Variants in PRLR observed in about 807,000 individuals in gnomAD.
The protein encoded by PRLR is hPRL receptor.
Under a neutral mutation model 40.2 loss-of-function variants are expected in PRLR, and 13 were observed. That is an observed-to-expected ratio of 0.32 (90% confidence interval 0.21 to 0.51). PRLR has a LOEUF of 0.51. Ranked by LOEUF, PRLR falls within the 20% of genes least tolerant of loss-of-function variation. PRLR has a pLI of 0.97. For missense variants in PRLR, 656 were observed against 747.3 expected (o/e 0.88, Z 1.42); for synonymous variants, 269 against 278.7 (o/e 0.97, Z 0.35).
At chr5:35,212,559 T>A (rs1289491888) in intron 1 of PRLR, among the ~76,000 whole-genome samples, 1 of 152,162 alleles carries the variant, frequency 6.6e-6, no homozygotes, top group Non-Finnish European at 1.5e-5. Flanking sequence ...GGACTTCCCT[T>A]TTTTCCCCCC....
At chr5:35,086,062 T>G (rs1440726699) in intron 4 of PRLR, 146 bp downstream of exon 4, 2 of 926,970 alleles carry the variant, frequency 2.2e-6, no homozygotes, top group Middle Eastern at 2.5e-4. Flanking sequence ...AATGTGGGCA[T>G]GGACCTTAGA....
At chr5:35,200,860 C>T (rs1038594025) in intron 1 of PRLR, among the ~76,000 whole-genome samples, 7 of 152,310 alleles carry the variant, frequency 4.6e-5, no homozygotes, top group African/African-American at 1.7e-4. Flanking sequence ...GAAGATCACA[C>T]AGATGAACGG....
chr5:35,170,209 T>A (rs1364591324), intron 1 of PRLR, among the ~76,000 whole-genome samples: 1 of 152,226 alleles, frequency 6.6e-6, no homozygotes, highest in Non-Finnish European at 1.5e-5. Flanking sequence ...GTGTGTACAC[T>A]GTGCATTTTG....
intron 1 of PRLR, among the ~76,000 whole-genome samples, chr5:35,207,230 A>G (rs1776045505): frequency 6.6e-6 from 1 of 152,156 alleles, no homozygotes; most frequent in South Asian, 2.1e-4. Flanking sequence ...AAGGAGAACA[A>G]TTATCATTAT....
chr5:35,200,318 T>C (rs875700), intron 1 of PRLR, among the ~76,000 whole-genome samples: 136,604 of 152,270 alleles, frequency 0.9, 61,985 homozygotes, highest in African/African-American at 0.95. Flanking sequence ...CGTGGCTACA[T>C]GCTGCCCCAG....
chr5:35,090,340 C>A (rs968435099), intron 2 of PRLR, among the ~76,000 whole-genome samples: 1 of 151,934 alleles, frequency 6.6e-6, no homozygotes, highest in Non-Finnish European at 1.5e-5. Flanking sequence ...AAATTCTGAA[C>A]CTGCAGGGGT....
chr5:35,049,470 T>C, intron 8 of PRLR: 1 of 670,212 alleles, frequency 1.5e-6, no homozygotes, highest in Non-Finnish European at 2.7e-6. Flanking sequence ...TGGGAGGTTA[T>C]ACCTCTTTTA....
chr5:35,058,351 T>C lies in PRLR; in HGVS notation c.*6738A>G, dbSNP rs1302096441. On this transcript the variant is annotated 3_prime_UTR_variant, in exon 10 of 10. Transcript: ENST00000618457. ...CCCAACAGGCTGGTTCTAGATTGCT[T>C]TGGTTTCCACATGAGACTTTTCAAT... The C allele has an allele frequency of 1.3e-5, 2 of 152,220 alleles. No homozygotes were observed. Among genetic ancestry groups the C allele is most frequent in the African/African-American group, 2.4e-5 (1 of 41,448 alleles). The allele number at this position is 152,220 out of a possible 1,614,324, so 9.4% of individuals were successfully genotyped here.
chr5:35,167,205 G>T (rs547130535), intron 1 of PRLR, among the ~76,000 whole-genome samples: 20 of 150,872 alleles, frequency 1.3e-4, no homozygotes, highest in African/African-American at 4.9e-4. Context: ...ACTCTTTAAA[G>T]ATATTGGTCA....
chr5:35,220,926 G>A (rs1012325571), intron 1 of PRLR, among the ~76,000 whole-genome samples: 1 of 152,128 alleles, frequency 6.6e-6, no homozygotes, highest in Non-Finnish European at 1.5e-5. Flanking sequence ...ATCAGACTTG[G>A]CTGGACCCTG....
intron 1 of PRLR, among the ~76,000 whole-genome samples, chr5:35,134,472 A>C (rs545714270): frequency 1.3e-5 from 2 of 152,314 alleles, no homozygotes; most frequent in East Asian, 3.9e-4. Flanking sequence ...GTGTTTGGAT[A>C]AATTTAAACA....
chr5:35,077,630 C>G (rs1268896512), intron 5 of PRLR, among the ~76,000 whole-genome samples: 1 of 152,118 alleles, frequency 6.6e-6, no homozygotes, highest in East Asian at 1.9e-4. Flanking sequence ...CCACTGTCAA[C>G]ATTAGACAGA....
chr5:35,083,098 CA>C, intron 5 of PRLR, among the ~76,000 whole-genome samples: 2 of 149,594 alleles, frequency 1.3e-5, no homozygotes, highest in African/African-American at 5.0e-5. Flanking sequence ...CACACACACA[CA>C]CACCACACTT....
rs538795551 is a variant in PRLR at position 35,078,995 on chromosome 5, AC to A, written c.373+5474del. ...TCAATAGATGCAGAAAAGGCCTTTGACAAAATTCAACAGCCTTCATGCTAAA... is the reference window on the plus strand; with the variant it reads ...TCAATAGATGCAGAAAAGGCCTTTGAAAAATTCAACAGCCTTCATGCTAAA... On this transcript the variant is annotated intron_variant, in intron 5 of 9. Coordinates refer to ENST00000618457, the MANE Select transcript of PRLR (RefSeq NM_000949.7). 9.1e-4 allele frequency among the ~76,000 whole-genome samples: 139 copies of A among 152,356 alleles called. 1 individual carries two copies. The highest frequency in any genetic ancestry group is 1.4e-3 in the Non-Finnish European group (94 of 68,030).
intron 2 of PRLR, among the ~76,000 whole-genome samples, chr5:35,099,660 G>A (rs1771744484): frequency 2.0e-5 from 3 of 152,096 alleles, no homozygotes; most frequent in African/African-American, 7.2e-5. Context: ...ACTTCAAGTG[G>A]GACAAGATGT....
intron 1 of PRLR, among the ~76,000 whole-genome samples, chr5:35,141,911 C>T (rs1419144448): frequency 6.6e-6 from 1 of 152,318 alleles, no homozygotes; most frequent in Non-Finnish European, 1.5e-5. Flanking sequence ...TTAACTGGTT[C>T]CCGTCTCCTC....
At chr5:35,179,103 C>T (rs913680729) in intron 1 of PRLR, among the ~76,000 whole-genome samples, 2 of 152,164 alleles carry the variant, frequency 1.3e-5, no homozygotes, top group African/African-American at 2.4e-5. Flanking sequence ...ATCCCAACTA[C>T]TCCTGATCTC....
chr5:35,213,955 C>A (rs1023323442), intron 1 of PRLR, among the ~76,000 whole-genome samples: 1 of 152,224 alleles, frequency 6.6e-6, no homozygotes, highest in Non-Finnish European at 1.5e-5. Context: ...TCTGCAGACT[C>A]TCTTCTCCAG....
At chr5:35,213,752 C>G (rs1352884215) in intron 1 of PRLR, among the ~76,000 whole-genome samples, 2 of 152,210 alleles carry the variant, frequency 1.3e-5, no homozygotes, top group African/African-American at 4.8e-5. Context: ...CTAGAAGAAG[C>G]CAGGCATCTT....
Sources: gnomAD v4.1 joint callset for allele counts (sites outside exome capture counted in the v4.1 genomes callset) on GRCh38, gnomAD v4.1.1 for gene constraint, MANE v1.5 for transcripts, NCBI Gene and HGNC (gene_info 2026-07-23, HGNC 2026-07-21) for gene names.